The following CCDC86 variants were observed in gnomAD, a reference collection of about 807,000 sequenced individuals.
CCDC86 encodes coiled-coil domain-containing protein 86.
In CCDC86, 28 loss-of-function variants were observed where a neutral mutation model predicts 36.7. That is an observed-to-expected ratio of 0.76 (90% confidence interval 0.57 to 1.05). CCDC86 has a LOEUF of 1.05. CCDC86 is among the 50% of genes least tolerant of loss of function. The probability of loss-of-function intolerance (pLI) is 0.00; values close to 1 mark genes in which losing one functional copy is unlikely to be tolerated. For missense variants in CCDC86, 453 were observed against 470.2 expected, an observed-to-expected ratio of 0.96 and a Z score of 0.34; for synonymous variants, 199 against 203.4, an observed-to-expected ratio of 0.98 and a Z score of 0.18.
Position 60,842,636 on chromosome 11 carries a change from G to A in CCDC86, c.512G>A (p.Gly171Asp), listed in dbSNP as rs142025123. 13 of 1,613,664 alleles carry A rather than the reference G, an allele frequency of 8.1e-6. No individual in the cohort carries two copies. The highest frequency in any genetic ancestry group is 1.1e-5 in the Non-Finnish European group (13 of 1,179,998). ...PEPYPGQQAP[G>D]PEPSQPLLEL... is the part of the protein sequence containing the mutation. ...CCTTACCCCGGTCAGCAAGCTCCCG[G>A]TCCGGAGCCCTCTCAGCCACTACTG... is the stretch of plus-strand genomic sequence containing the variant. The change falls in exon 1 of 4, where the codon GGT (glycine) becomes GAT (aspartate). Residue 171 changes from glycine (G) to aspartate (D), a missense_variant. Gly to Asp is a moderately conservative substitution (Grantham distance 94, BLOSUM62 -1). Transcript: ENST00000227520.
chr11:60,843,421 A>T (rs1413721747), intron 1 of CCDC86, among the ~76,000 whole-genome samples: 1 of 152,244 alleles, frequency 6.6e-6, no homozygotes, highest in Non-Finnish European at 1.5e-5. Context: ...CCTGTGAAGC[A>T]GGCGGTGTTA....
At chr11:60,846,340 G>A (rs1363982348) in intron 1 of CCDC86, among the ~76,000 whole-genome samples, 1 of 152,174 alleles carries the variant, frequency 6.6e-6, no homozygotes, top group African/African-American at 2.4e-5. Flanking sequence ...CCAGAAGTCG[G>A]CAGGGCCAAG....
In CCDC86 at chr11:60,849,984, G is replaced by A. The variant is rs770370360; in HGVS notation, c.933G>A (p.Glu311=). 3.1e-6 allele frequency: 5 copies of A among 1,614,098 alleles called. No homozygotes were observed. Among genetic ancestry groups the A allele is most frequent in the Non-Finnish European group, 4.2e-6 (5 of 1,180,048 alleles). ...CTGAGAACCTGAAACGCCGCCTGGA[G>A]AATGAGCGGAAGGCAGAGGTCGTCC... ...RRAENLKRRL[E]NERKAEVVQV... is the part of the protein sequence containing the mutation. The change falls in exon 3 of 4, where the codon GAG becomes GAA. Residue 311 remains glutamate (E), a synonymous_variant. Coordinates refer to ENST00000227520, the MANE Select transcript of CCDC86 (RefSeq NM_024098.4).
In CCDC86 at chr11:60,847,069, CTTTTTCT is replaced by C. The variant is rs553418864; in HGVS notation, c.759-835_759-829del. On this transcript the variant is annotated intron_variant, in intron 1 of 3. Transcript: ENST00000227520. Reference sequence around the variant, plus strand: ...TCATCTCCAACTGGGGGAAGAGATTCTTTTTCTTTTTTCTTTTTTCTTTTTTTTTTTT... The same window carrying C: ...TCATCTCCAACTGGGGGAAGAGATTCTTTTTCTTTTTTCTTTTTTTTTTTT... Among the ~76,000 whole-genome samples, 70 of 151,612 alleles carry C rather than the reference CTTTTTCT, an allele frequency of 4.6e-4. No individual in the cohort carries two copies. The South Asian group carries it at 4.8e-3, about 10-fold the overall frequency.
intron 3 of CCDC86, 53 bp from the exon 4 acceptor site, chr11:60,850,153 A>G: frequency 6.2e-7 from 1 of 1,611,070 alleles, no homozygotes; most frequent in Non-Finnish European, 8.5e-7. Flanking sequence ...TCCCCTGGGA[A>G]TTTGGACCGA....
intron 3 of CCDC86, 43 bp downstream of exon 3, chr11:60,850,057 G>T: frequency 6.2e-7 from 1 of 1,611,014 alleles, no homozygotes; most frequent in Non-Finnish European, 8.5e-7. Context: ...GCCCCACTTG[G>T]GGGTGCAAAC....
chr11:60,842,686 TC>T lies in CCDC86; in HGVS notation c.568del (p.Arg190GlyfsTer16), dbSNP rs770211846. 248 of 1,613,070 alleles carry T rather than the reference TC, an allele frequency of 1.5e-4. No homozygotes were observed. The highest frequency in any genetic ancestry group is 1.9e-4 in the Non-Finnish European group (226 of 1,179,834). ...LLELTPRAPG[S>X]PRGQHEPSKP... ...GGAGCTGACACCCAGGGCACCTGGC[TC>T]CCCCCGGGGTCAGCATGAGCCGAGC... On this transcript the variant is annotated frameshift_variant, in exon 1 of 4. Transcript: ENST00000227520. LOFTEE classifies it high-confidence loss of function.
chr11:60,848,563 C>T (rs757237728), intron 2 of CCDC86, among the ~76,000 whole-genome samples: 3 of 152,126 alleles, frequency 2.0e-5, no homozygotes, highest in Non-Finnish European at 4.4e-5. Flanking sequence ...AGCCAGGAAG[C>T]CCCTGTAAAG....
chr11:60,842,914 C>T (rs1415568495), intron 1 of CCDC86, 32 bp downstream of exon 1: 1 of 1,535,574 alleles, frequency 6.5e-7, no homozygotes, highest in Non-Finnish European at 8.8e-7. Context: ...ACAGGGGTGG[C>T]GTTCTCTATG....
In CCDC86 at chr11:60,850,131, G is replaced by A. The variant is rs1590575649; in HGVS notation, c.964-75G>A. ...TGCTACGATCTCAGGCCCCTGTGGG[G>A]CGGCCTTCCTCTCCCCTGGGAATTT... On this transcript the variant is annotated intron_variant, in intron 3 of 3. Coordinates refer to ENST00000227520, the MANE Select transcript of CCDC86 (RefSeq NM_024098.4). The A allele has an allele frequency of 6.2e-6, 10 of 1,608,590 alleles. No individual in the cohort carries two copies. The East Asian group carries it at 1.8e-4, about 29-fold the overall frequency.
Position 60,850,196 on chromosome 11 carries a change from C to T in CCDC86, c.964-10C>T. On this transcript the variant is annotated splice_polypyrimidine_tract_variant and intron_variant, in intron 3 of 3. Transcript: ENST00000227520. Reference sequence around the variant, plus strand: ...GCTGCACTAATGTCCTCCCCTCATACCACCCCCAGATCCGAAACCCCGCCA... The same window carrying T: ...GCTGCACTAATGTCCTCCCCTCATATCACCCCCAGATCCGAAACCCCGCCA... 1 of 1,614,130 alleles carries T rather than the reference C, an allele frequency of 6.2e-7. No homozygotes were observed.
At position 60,849,900 on chromosome 11, in the gene CCDC86, C is replaced by G. The variant is rs201797798; in HGVS notation, c.889-40C>G. 1.9e-6 allele frequency: 3 copies of G among 1,576,698 alleles called. No individual in the cohort carries two copies. The South Asian group carries it at 3.4e-5, about 18-fold the overall frequency. On this transcript the variant is annotated intron_variant, in intron 2 of 3. Coordinates refer to ENST00000227520, the MANE Select transcript of CCDC86 (RefSeq NM_024098.4). The stretch of plus-strand genomic sequence containing the variant: ...GGGGCCTGAGAGACCAGGGCTGCCT[C>G]TGCTCCCCGACTCAAATCCCCTTCT...
At chr11:60,845,200 C>T (rs866835586) in intron 1 of CCDC86, among the ~76,000 whole-genome samples, 8 of 152,044 alleles carry the variant, frequency 5.3e-5, no homozygotes, top group East Asian at 1.9e-4. Context: ...CCAGAGGTCT[C>T]GCTGCTGGAA....
At chr11:60,847,710 T>C (rs542779007) in intron 1 of CCDC86, 66 of 467,236 alleles carry the variant, frequency 1.4e-4, no homozygotes, top group Non-Finnish European at 2.1e-4. Flanking sequence ...CTCAGAGGCA[T>C]GTAGCCAAGG....
chr11:60,850,106 T>C (rs1305276188), intron 3 of CCDC86, 92 bp downstream of exon 3: 3 of 1,606,614 alleles, frequency 1.9e-6, no homozygotes, highest in Non-Finnish European at 2.6e-6. Context: ...CCCACTCTCA[T>C]GCTACGATCT....
chr11:60,846,597 G>A (rs1439745241), intron 1 of CCDC86, among the ~76,000 whole-genome samples: 1 of 150,888 alleles, frequency 6.6e-6, no homozygotes, highest in Non-Finnish European at 1.5e-5. Flanking sequence ...GTTTTGAGAC[G>A]GAGTTTCATT....
intron 3 of CCDC86, 75 bp downstream of exon 3, chr11:60,850,089 A>G: frequency 4.4e-6 from 7 of 1,604,214 alleles, no homozygotes; most frequent in South Asian, 1.1e-5. Flanking sequence ...CCCCTGCCTC[A>G]TGTACCCCCA....
At chr11:60,849,888 C>A in intron 2 of CCDC86, 52 bp from the exon 3 acceptor site, 3 of 1,496,006 alleles carry the variant, frequency 2.0e-6, no homozygotes, top group Non-Finnish European at 2.8e-6. Context: ...GCCTGAGAGA[C>A]CAGGGCTGCC....
intron 1 of CCDC86, among the ~76,000 whole-genome samples, chr11:60,844,040 G>A (rs1219127648): frequency 1.3e-5 from 2 of 152,242 alleles, no homozygotes; most frequent in African/African-American, 4.8e-5. Context: ...GGTCACAGGA[G>A]AATGGCAGGG....
Sources: allele counts gnomAD v4.1 joint callset (sites outside exome capture counted in the v4.1 genomes callset), GRCh38; gene constraint gnomAD v4.1.1; transcripts MANE v1.5; gene names NCBI Gene and HGNC (gene_info 2026-07-23, HGNC 2026-07-21).